The following PRKAG2 variants were observed in gnomAD, a reference collection of about 807,000 sequenced individuals.
PRKAG2 encodes 5'-AMP-activated protein kinase subunit gamma-2.
In PRKAG2, 26 loss-of-function variants were observed where a neutral mutation model predicts 69.6. That is an observed-to-expected ratio of 0.37 (90% CI 0.27 to 0.52). The LOEUF (loss-of-function observed/expected upper bound fraction) is 0.52, where lower values mean the gene tolerates loss of function less well. PRKAG2 is among the 20% of genes least tolerant of loss of function. The pLI, the probability that PRKAG2 is intolerant of heterozygous loss-of-function variation, is 0.90. For missense variants in PRKAG2, 557 were observed against 740.0 expected (o/e 0.75, Z 2.87); for synonymous variants, 293 against 285.0 (o/e 1.03, Z -0.28).
intron 3 of PRKAG2, among the ~76,000 whole-genome samples, chr7:151,697,990 T>C (rs981332555): frequency 6.6e-6 from 1 of 152,138 alleles, no homozygotes; most frequent in Non-Finnish European, 1.5e-5. Flanking sequence ...AGGTGCATTT[T>C]TGTGCTGTTT....
chr7:151,686,051 G>A (rs880917), intron 3 of PRKAG2, among the ~76,000 whole-genome samples: 1 of 152,238 alleles, frequency 6.6e-6, no homozygotes, highest in East Asian at 1.9e-4. Context: ...TCCCCACTGA[G>A]TCTAACCCGA....
chr7:151,784,307 G>A (rs1006624088), intron 2 of PRKAG2, among the ~76,000 whole-genome samples: 1 of 152,210 alleles, frequency 6.6e-6, no homozygotes. Flanking sequence ...TAGGGAGCTT[G>A]CTGGGGAGCC....
chr7:151,712,315 C>G (rs7779111), intron 3 of PRKAG2, among the ~76,000 whole-genome samples: 5,657 of 152,252 alleles, frequency 0.037, 362 homozygotes, highest in African/African-American at 0.13. Flanking sequence ...CACCCAAAGC[C>G]TGGACATCCT....
At chr7:151,571,793 G>T (rs954535198) in intron 9 of PRKAG2, among the ~76,000 whole-genome samples, 2 of 152,190 alleles carry the variant, frequency 1.3e-5, no homozygotes, top group African/African-American at 4.8e-5. Flanking sequence ...GCCCCTGGGG[G>T]TGTAAGAGAA....
chr7:151,587,529 G>T (rs1202591403), intron 6 of PRKAG2, among the ~76,000 whole-genome samples: 3 of 152,160 alleles, frequency 2.0e-5, no homozygotes, highest in Non-Finnish European at 4.4e-5. Flanking sequence ...AGGTAATGGA[G>T]AGTGGTAAGT....
intron 1 of PRKAG2, among the ~76,000 whole-genome samples, chr7:151,870,792 G>A (rs968734347): frequency 6.6e-6 from 1 of 152,228 alleles, no homozygotes; most frequent in Non-Finnish European, 1.5e-5. Flanking sequence ...GGCTTCCCTT[G>A]AGGCCACGCG....
At chr7:151,560,291 C>CT (rs1804621013) in intron 15 of PRKAG2, 1 of 1,423,248 alleles carries the variant, frequency 7.0e-7, no homozygotes, top group Non-Finnish European at 9.3e-7. Context: ...TAGGGGGCCA[C>CT]TGGACCTTGA....
chr7:151,657,548 A>AC (rs1212389241), intron 4 of PRKAG2, among the ~76,000 whole-genome samples: 1 of 152,228 alleles, frequency 6.6e-6, no homozygotes, highest in Non-Finnish European at 1.5e-5. Context: ...ATCATTTACT[A>AC]GTCATACAAT....
intron 1 of PRKAG2, among the ~76,000 whole-genome samples, chr7:151,849,045 CCTGCAGGGTGTT>C (rs1262036830): frequency 6.6e-6 from 1 of 152,146 alleles, no homozygotes; most frequent in Non-Finnish European, 1.5e-5. Flanking sequence ...CCCAATGGCT[CCTGCAGGGTGTT>C]CTGAACGAAA....
At chr7:151,714,671 C>T (rs939776451) in intron 3 of PRKAG2, among the ~76,000 whole-genome samples, 4 of 152,008 alleles carry the variant, frequency 2.6e-5, no homozygotes, top group Admixed American at 1.3e-4. Context: ...ATAAGTGGGC[C>T]GGGCGCAGTA....
In PRKAG2 at chr7:151,632,142, A is replaced by AGGG; in HGVS notation, c.685-7_685-5dup. On this transcript the variant is annotated splice_region_variant and splice_polypyrimidine_tract_variant and intron_variant, in intron 4 of 15. Transcript: ENST00000287878. The surrounding 1 kb of genome is among the most constrained non-coding windows in gnomAD (Gnocchi z 4.2). ...CCAGGGCCGCCGCCAGCGCCGCCTG[A>AGGG]GGGGGAGGAGGAGGACAGCGATCAG... 1 of 1,393,604 alleles carries AGGG rather than the reference A, an allele frequency of 7.2e-7. No individual in the cohort carries two copies. The highest frequency in any genetic ancestry group is 1.5e-5 in the African/African-American group (1 of 67,006). 86.3% of individuals were successfully genotyped at this position (1,393,604 alleles called of 1,614,324 possible).
intron 4 of PRKAG2, among the ~76,000 whole-genome samples, chr7:151,659,386 G>C (rs1175664464): frequency 1.3e-5 from 2 of 152,152 alleles, no homozygotes; most frequent in African/African-American, 2.4e-5. Context: ...ATTTAAGTCA[G>C]GTTAACAGGG....
chr7:151,702,711 G>A (rs565811406), intron 3 of PRKAG2, among the ~76,000 whole-genome samples: 1 of 152,186 alleles, frequency 6.6e-6, no homozygotes, highest in Non-Finnish European at 1.5e-5. Flanking sequence ...TCCTGTTATT[G>A]GATAATAAGA....
chr7:151,675,328 G>A lies in PRKAG2; in HGVS notation c.684+92C>T, dbSNP rs745922872. The A allele has an allele frequency of 4.1e-5, 52 of 1,273,994 alleles. No individual in the cohort carries two copies. The East Asian group carries it at 1.2e-3, about 30-fold the overall frequency. 78.9% of individuals were successfully genotyped at this position (1,273,994 alleles called of 1,614,324 possible). ...GTCGGGAGCACACGACCTCAGCCTCGGCTGCAGATAGACTGCTCAGCTTGG... is the reference window on the plus strand; with the variant it reads ...GTCGGGAGCACACGACCTCAGCCTCAGCTGCAGATAGACTGCTCAGCTTGG... On this transcript the variant is annotated intron_variant, in intron 4 of 15. Coordinates refer to ENST00000287878, the MANE Select transcript of PRKAG2 (RefSeq NM_016203.4).
chr7:151,590,834 C>A (rs1585085658), intron 6 of PRKAG2, among the ~76,000 whole-genome samples: 1 of 152,250 alleles, frequency 6.6e-6, no homozygotes, highest in African/African-American at 2.4e-5. Context: ...TTTGGTGGGA[C>A]TGATTGCTAT....
At chr7:151,669,328 C>G (rs1689899242) in intron 4 of PRKAG2, among the ~76,000 whole-genome samples, 1 of 152,202 alleles carries the variant, frequency 6.6e-6, no homozygotes, top group African/African-American at 2.4e-5. Context: ...TGCTGTCGAC[C>G]CTGCCACTAA....
intron 3 of PRKAG2, among the ~76,000 whole-genome samples, chr7:151,764,154 G>A (rs1367257851): frequency 6.6e-6 from 1 of 152,214 alleles, no homozygotes; most frequent in Non-Finnish European, 1.5e-5. Context: ...AGCAGTTTGA[G>A]TTTTCTGAAG....
At chr7:151,651,257 C>G (rs976067931) in intron 4 of PRKAG2, among the ~76,000 whole-genome samples, 1 of 152,152 alleles carries the variant, frequency 6.6e-6, no homozygotes, top group Non-Finnish European at 1.5e-5. Context: ...CCAATATTTT[C>G]CAGATGACTA....
intron 15 of PRKAG2, chr7:151,558,998 T>A (rs4726049): frequency 1.0e-6 from 1 of 985,284 alleles, no homozygotes; most frequent in South Asian, 4.7e-5. Flanking sequence ...GGGCAGACTG[T>A]GTCCCGTGGT....
Sources: gnomAD v4.1 joint callset for allele counts (sites outside exome capture counted in the v4.1 genomes callset) on GRCh38, gnomAD v4.1.1 for gene constraint, Gnocchi (gnomAD v3.1) non-coding constraint, MANE v1.5 for transcripts, NCBI Gene and HGNC (gene_info 2026-07-23, HGNC 2026-07-21) for gene names.